Variants in DLC1 observed in about 807,000 individuals in gnomAD.
DLC1 encodes the protein DLC1 Rho GTPase activating protein.
DLC1 carries 54 observed loss-of-function variants against 140.3 expected under a neutral mutation model. That is an observed-to-expected ratio of 0.38 (90% CI 0.31 to 0.48). The LOEUF (loss-of-function observed/expected upper bound fraction) is 0.48, where lower values mean the gene tolerates loss of function less well. Among genes scored for constraint, DLC1 ranks in the 20% least tolerant of loss-of-function variants. The pLI, the probability that DLC1 is intolerant of heterozygous loss-of-function variation, is 0.96. For missense variants in DLC1, 2,536 were observed against 1,907.0 expected, an observed-to-expected ratio of 1.33 and a Z score of -6.14; for synonymous variants, 986 against 728.1, an observed-to-expected ratio of 1.35 and a Z score of -5.70.
chr8:13,458,374 G>T (rs1238832424), intron 2 of DLC1, among the ~76,000 whole-genome samples: 2 of 152,134 alleles, frequency 1.3e-5, no homozygotes, highest in Non-Finnish European at 2.9e-5. Flanking sequence ...GTAAGAATTA[G>T]AGCACAGAAT....
At chr8:13,313,899 G>A (rs1832771707) in intron 4 of DLC1, among the ~76,000 whole-genome samples, 1 of 151,848 alleles carries the variant, frequency 6.6e-6, no homozygotes, top group Non-Finnish European at 1.5e-5. Context: ...CTATTACTAG[G>A]TGGGCCTATT....
intron 5 of DLC1, among the ~76,000 whole-genome samples, chr8:13,295,937 T>A (rs1188115923): frequency 7.5e-6 from 1 of 132,740 alleles, no homozygotes; most frequent in Non-Finnish European, 1.6e-5. Flanking sequence ...CAGATAAGAT[T>A]CTTTGTTTTT....
At chr8:13,599,494 C>T (rs986822028) in intron 1 of DLC1, among the ~76,000 whole-genome samples, 2 of 151,886 alleles carry the variant, frequency 1.3e-5, no homozygotes, top group African/African-American at 2.4e-5. Context: ...AATAAAAAGA[C>T]AGAGTGCCCT....
intron 1 of DLC1, among the ~76,000 whole-genome samples, chr8:13,592,820 G>T (rs1490888993): frequency 6.6e-6 from 1 of 152,036 alleles, no homozygotes; most frequent in Non-Finnish European, 1.5e-5. Flanking sequence ...TTGTGGCTAA[G>T]CAATGATTTG....
chr8:13,163,638 A>T (rs1824885273), intron 5 of DLC1, among the ~76,000 whole-genome samples: 1 of 152,088 alleles, frequency 6.6e-6, no homozygotes, highest in Non-Finnish European at 1.5e-5. Context: ...CTTCCAGAAC[A>T]AGGTGGCTTA....
intron 5 of DLC1, among the ~76,000 whole-genome samples, chr8:13,302,835 G>A (rs1031721183): frequency 2.0e-5 from 3 of 151,606 alleles, no homozygotes; most frequent in Non-Finnish European, 2.9e-5. Flanking sequence ...TCTGTCTAGC[G>A]GAAGCTTACA....
chr8:13,143,428 A>C (rs1356461296), intron 5 of DLC1, among the ~76,000 whole-genome samples: 1 of 152,052 alleles, frequency 6.6e-6, no homozygotes, highest in Non-Finnish European at 1.5e-5. Context: ...GTTACTTCCT[A>C]GGTAGGTTAG....
chr8:13,528,851 C>G (rs536216723), intron 1 of DLC1, among the ~76,000 whole-genome samples: 2 of 152,208 alleles, frequency 1.3e-5, no homozygotes, highest in East Asian at 3.9e-4. Flanking sequence ...GATAGAATCC[C>G]CTGGGTGATG....
intron 5 of DLC1, among the ~76,000 whole-genome samples, chr8:13,125,188 G>C (rs550040165): frequency 1.3e-5 from 2 of 152,138 alleles, no homozygotes; most frequent in Non-Finnish European, 2.9e-5. Context: ...TGTTGGCCAG[G>C]CTGGTCTCAA....
rs531276786 is a variant in DLC1, at chr8:13,424,279, A to T, written c.1024-22660T>A. The stretch of plus-strand genomic sequence containing the variant: ...TTTGGGAGGCCAATCACCTGAAGTC[A>T]GGAGTTCAAGGTCAGCCTGGCCAAC... On this transcript the variant is annotated intron_variant, in intron 2 of 17. Transcript: ENST00000276297. Among the ~76,000 whole-genome samples the T allele has an allele frequency of 2.6e-5, 4 of 152,288 alleles. No homozygotes were observed. The South Asian group carries it at 8.3e-4, about 32-fold the overall frequency.
At chr8:13,148,949 C>T (rs749351356) in intron 5 of DLC1, among the ~76,000 whole-genome samples, 9 of 152,062 alleles carry the variant, frequency 5.9e-5, no homozygotes, top group African/African-American at 1.7e-4. Context: ...CCCGTCACCA[C>T]GCCCGGCTAA....
chr8:13,346,520 A>T (rs1406007576), intron 4 of DLC1, among the ~76,000 whole-genome samples: 1 of 152,224 alleles, frequency 6.6e-6, no homozygotes, highest in African/African-American at 2.4e-5. Flanking sequence ...AAGTCTGTTC[A>T]CAAAGTCTAT....
chr8:13,356,584 A>T (rs574584839), intron 4 of DLC1, among the ~76,000 whole-genome samples: 1 of 152,184 alleles, frequency 6.6e-6, no homozygotes, highest in East Asian at 1.9e-4. Context: ...TTTCCAAATG[A>T]TTGCATAATA....
At chr8:13,315,948 T>C (rs1832845596) in intron 4 of DLC1, among the ~76,000 whole-genome samples, 1 of 152,232 alleles carries the variant, frequency 6.6e-6, no homozygotes, top group African/African-American at 2.4e-5. Flanking sequence ...ATGAGATGCA[T>C]GTGCAGAGAA....
At chr8:13,273,686 C>CTGTGTGTGTGTGTG (rs59265902) in intron 5 of DLC1, among the ~76,000 whole-genome samples, 49 of 62,548 alleles carry the variant, frequency 7.8e-4, no homozygotes, top group African/African-American at 2.7e-3. Context: ...AGAACTGTGC[C>CTGTGTGTGTGTGTG]TGTGTGTGTG....
chr8:13,300,183 C>G (rs1371217417), intron 5 of DLC1, among the ~76,000 whole-genome samples: 1 of 152,128 alleles, frequency 6.6e-6, no homozygotes, highest in East Asian at 1.9e-4. Context: ...AAAGCAGGAA[C>G]AGAAAACCAA....
At chr8:13,484,356 G>C (rs1378115079) in intron 2 of DLC1, among the ~76,000 whole-genome samples, 1 of 152,082 alleles carries the variant, frequency 6.6e-6, no homozygotes, top group African/African-American at 2.4e-5. Context: ...CTGTTTTTTA[G>C]CTTAACTCTC....
intron 2 of DLC1, among the ~76,000 whole-genome samples, chr8:13,423,744 A>G (rs1257683285): frequency 6.6e-6 from 1 of 152,188 alleles, no homozygotes; most frequent in Non-Finnish European, 1.5e-5. Flanking sequence ...GGGCAAATAC[A>G]TGAGAAAGTA....
intron 2 of DLC1, among the ~76,000 whole-genome samples, chr8:13,433,409 GA>G (rs1238397258): frequency 2.0e-5 from 3 of 152,150 alleles, no homozygotes; most frequent in Non-Finnish European, 4.4e-5. Context: ...TACAGATCAA[GA>G]AAAAGCATGG....
Sources: allele counts gnomAD v4.1 joint callset (sites outside exome capture counted in the v4.1 genomes callset), GRCh38; gene constraint gnomAD v4.1.1; transcripts MANE v1.5; gene names NCBI Gene and HGNC (gene_info 2026-07-23, HGNC 2026-07-21).